Variants in SNX29 observed in about 807,000 individuals in gnomAD.
SNX29 encodes sorting nexin 29, also known as sorting nexin-29.
Under a neutral mutation model 102.1 loss-of-function variants are expected in SNX29, and 78 were observed. That is an observed-to-expected ratio of 0.76 (90% CI 0.64 to 0.92). SNX29 has a LOEUF of 0.92. Among genes scored for constraint, SNX29 ranks in the 40% least tolerant of loss-of-function variants. The pLI, the probability that SNX29 is intolerant of heterozygous loss-of-function variation, is 0.00. For synonymous variants in SNX29, 580 were observed against 414.5 expected, an observed-to-expected ratio of 1.40 and a Z score of -4.85; for missense variants, 1,280 against 1,061.7, an observed-to-expected ratio of 1.21 and a Z score of -2.86.
At chr16:11,978,753 G>C (rs1386548021) in intron 1 of SNX29, among the ~76,000 whole-genome samples, 3 of 152,060 alleles carry the variant, frequency 2.0e-5, no homozygotes. Flanking sequence ...AAATTGATCA[G>C]TTTATCTTTC....
intron 11 of SNX29, among the ~76,000 whole-genome samples, chr16:12,101,300 A>G (rs1478268952): frequency 2.0e-5 from 1 of 50,882 alleles, no homozygotes; most frequent in Non-Finnish European, 3.2e-5. Flanking sequence ...GCCCCCCCCA[A>G]CTTTTTTTTT....
At chr16:12,074,300 G>A (rs960016149) in intron 10 of SNX29, among the ~76,000 whole-genome samples, 2 of 152,008 alleles carry the variant, frequency 1.3e-5, no homozygotes, top group African/African-American at 4.8e-5. Flanking sequence ...TTTTGCAGTG[G>A]CTGGTACCGG....
chr16:12,273,876 A>G (rs868557321), intron 14 of SNX29, among the ~76,000 whole-genome samples: 1 of 152,146 alleles, frequency 6.6e-6, no homozygotes, highest in Non-Finnish European at 1.5e-5. Context: ...CCCTGGCTGA[A>G]TGCTCTCACG....
intron 13 of SNX29, among the ~76,000 whole-genome samples, chr16:12,147,568 C>G (rs986829724): frequency 6.6e-6 from 1 of 152,106 alleles, no homozygotes; most frequent in African/African-American, 2.4e-5. Flanking sequence ...AGAGGTGTGG[C>G]CACTAAGTAA....
chr16:12,037,630 G>T (rs3862448), intron 4 of SNX29, among the ~76,000 whole-genome samples: 5 of 152,036 alleles, frequency 3.3e-5, no homozygotes, highest in Non-Finnish European at 5.9e-5. Flanking sequence ...TGTGTTTCCC[G>T]TAGGAAAGCG....
At position 12,569,388 on chromosome 16, in the gene SNX29, A is replaced by C; in HGVS notation, c.*759A>C. On this transcript the variant is annotated 3_prime_UTR_variant, in exon 21 of 21. Coordinates refer to ENST00000566228, the MANE Select transcript of SNX29 (RefSeq NM_032167.5). ...GTGGGGGGACTCAGACATCTGGCCC[A>C]GCCATCAGCAGCAACCTAGTAACCC... 1 of 230,596 alleles carries C rather than the reference A, an allele frequency of 4.3e-6. No individual in the cohort carries two copies. Among genetic ancestry groups the C allele is most frequent in the Non-Finnish European group, 8.6e-6 (1 of 116,440 alleles). 14.3% of individuals were successfully genotyped at this position (230,596 alleles called of 1,614,324 possible).
chr16:12,226,717 G>C lies in SNX29; in HGVS notation c.1678+27034G>C, dbSNP rs184113252. 8.4e-4 allele frequency among the ~76,000 whole-genome samples: 128 copies of C among 152,146 alleles called. 3 individuals are homozygous for C. The highest frequency in any genetic ancestry group is 7.5e-3 in the Admixed American group (114 of 15,286). On this transcript the variant is annotated intron_variant, in intron 14 of 20. Coordinates refer to ENST00000566228, the MANE Select transcript of SNX29 (RefSeq NM_032167.5). ...GCCTCCCGAGTAGCCGGGATTACAG[G>C]TGTGTGTCATCATACCCAGCTAATT...
Position 12,573,586 on chromosome 16 carries a change from A to AC in SNX29, c.*4958dup. On this transcript the variant is annotated 3_prime_UTR_variant, in exon 21 of 21. Transcript: ENST00000566228. ...AAAACCACTCACCCAGGCTTCCCCC[A>AC]CTTCCCCTCAAATTTTCTCAGCTCT... 1 of 222,834 alleles carries AC rather than the reference A, an allele frequency of 4.5e-6. No individual in the cohort carries two copies. The highest frequency in any genetic ancestry group is 1.8e-4 in the South Asian group (1 of 5,446). 13.8% of individuals were successfully genotyped at this position (222,834 alleles called of 1,614,324 possible).
chr16:12,573,844 T>A lies in SNX29; in HGVS notation c.*5215T>A, dbSNP rs1430077790. 1 of 213,188 alleles carries A rather than the reference T, an allele frequency of 4.7e-6. No individual in the cohort carries two copies. Among genetic ancestry groups the A allele is most frequent in the East Asian group, 7.0e-5 (1 of 14,340 alleles). 13.2% of individuals were successfully genotyped at this position (213,188 alleles called of 1,614,324 possible). A position where few individuals can be genotyped will look rare whatever the true frequency, so the allele number is the denominator to read the frequency against. On this transcript the variant is annotated 3_prime_UTR_variant, in exon 21 of 21. Transcript: ENST00000566228. Reference sequence around the variant, plus strand: ...TGGAATTTTTATTATCCAGGACTCATCCTAAGAAGAATGTTGGCCTCTCTT... The same window carrying A: ...TGGAATTTTTATTATCCAGGACTCAACCTAAGAAGAATGTTGGCCTCTCTT...
chr16:12,449,711 C>G (rs138444373), intron 18 of SNX29, among the ~76,000 whole-genome samples: 5 of 152,338 alleles, frequency 3.3e-5, no homozygotes, highest in African/African-American at 1.2e-4. Flanking sequence ...CCAGGCCTGT[C>G]TCACTTCAGA....
intron 13 of SNX29, among the ~76,000 whole-genome samples, chr16:12,155,259 T>C (rs2055492908): frequency 1.3e-5 from 2 of 152,232 alleles, no homozygotes; most frequent in Admixed American, 1.3e-4. Context: ...AATGTAATTA[T>C]GCAGCTGAGT....
intron 11 of SNX29, among the ~76,000 whole-genome samples, chr16:12,109,148 A>G (rs1428179672): frequency 1.3e-3 from 193 of 148,300 alleles, no homozygotes; most frequent in Middle Eastern, 3.5e-3. Flanking sequence ...AAAAAAAAAA[A>G]AAAAAAAGAA....
intron 15 of SNX29, among the ~76,000 whole-genome samples, chr16:12,287,302 C>T (rs1190336742): frequency 6.6e-6 from 1 of 152,208 alleles, no homozygotes; most frequent in Non-Finnish European, 1.5e-5. Flanking sequence ...GTCTCCTTTA[C>T]AAACAGACTC....
intron 19 of SNX29, among the ~76,000 whole-genome samples, chr16:12,495,503 A>C (rs1053334880): frequency 6.6e-6 from 1 of 152,220 alleles, no homozygotes; most frequent in Non-Finnish European, 1.5e-5. Context: ...AGAATAAGTT[A>C]GTTCCCTCCA....
intron 20 of SNX29, among the ~76,000 whole-genome samples, chr16:12,541,944 C>G (rs913531631): frequency 5.9e-5 from 9 of 152,182 alleles, no homozygotes; most frequent in African/African-American, 1.2e-4. Flanking sequence ...TGGGCCCACA[C>G]AAGAGGACGC....
chr16:11,985,779 G>A (rs1312602720), intron 1 of SNX29, among the ~76,000 whole-genome samples: 2 of 152,110 alleles, frequency 1.3e-5, no homozygotes, highest in African/African-American at 4.8e-5. Flanking sequence ...TCCTGAGGCA[G>A]GTGGCTCCTA....
At chr16:12,493,183 T>G (rs1410352219) in intron 19 of SNX29, among the ~76,000 whole-genome samples, 1 of 152,264 alleles carries the variant, frequency 6.6e-6, no homozygotes. Flanking sequence ...GTTCTTCCAT[T>G]TGATGGAATG....
chr16:12,477,424 A>G (rs1256199388), intron 18 of SNX29, among the ~76,000 whole-genome samples: 1 of 152,256 alleles, frequency 6.6e-6, no homozygotes, highest in Non-Finnish European at 1.5e-5. Context: ...ACATGACAGC[A>G]ACATGAAACA....
At chr16:12,539,310 C>A (rs1347844253) in intron 20 of SNX29, among the ~76,000 whole-genome samples, 1 of 152,062 alleles carries the variant, frequency 6.6e-6, no homozygotes, top group Non-Finnish European at 1.5e-5. Flanking sequence ...TTGTCCCTCC[C>A]CCTCTAGTTT....
Sources: allele counts gnomAD v4.1 joint callset (sites outside exome capture counted in the v4.1 genomes callset), GRCh38; gene constraint gnomAD v4.1.1; transcripts MANE v1.5; gene names NCBI Gene and HGNC (gene_info 2026-07-23, HGNC 2026-07-21).